The following EVI5 variants were observed in gnomAD, a reference collection of about 807,000 sequenced individuals.
EVI5 encodes the protein ecotropic viral integration site 5 protein homolog.
EVI5 carries 73 observed loss-of-function variants against 112.0 expected under a neutral mutation model. The observed-to-expected ratio is 0.65, with a 90% CI of 0.54 to 0.79. The LOEUF (loss-of-function observed/expected upper bound fraction) is 0.79. Among genes scored for constraint, EVI5 ranks in the 30% least tolerant of loss-of-function variants. The pLI, the probability that EVI5 is intolerant of heterozygous loss-of-function variation, is 0.00. For synonymous variants in EVI5, 305 were observed against 319.9 expected (o/e 0.95, Z 0.50); for missense variants, 900 against 968.8 (o/e 0.93, Z 0.94).
chr1:92,616,555 C>A (rs1267095195), intron 16 of EVI5, among the ~76,000 whole-genome samples: 2 of 151,970 alleles, frequency 1.3e-5, no homozygotes, highest in African/African-American at 4.8e-5. Flanking sequence ...TCTGCTCATT[C>A]CTACTTAATT....
chr1:92,713,441 T>C (rs964793151), intron 2 of EVI5, among the ~76,000 whole-genome samples: 1 of 151,954 alleles, frequency 6.6e-6, no homozygotes, highest in Non-Finnish European at 1.5e-5. Context: ...TCCTGTTGAC[T>C]ATATTTTTAA....
intron 14 of EVI5, 55 bp downstream of exon 14, chr1:92,636,147 A>C: frequency 6.9e-7 from 1 of 1,459,470 alleles, no homozygotes. Context: ...GTACTTAATA[A>C]ATATCACATA....
intron 3 of EVI5, among the ~76,000 whole-genome samples, chr1:92,704,314 A>G (rs563310339): frequency 6.6e-6 from 1 of 152,142 alleles, no homozygotes; most frequent in Non-Finnish European, 1.5e-5. Context: ...TCTTTATAAA[A>G]TAATAATAAG....
intron 18 of EVI5, among the ~76,000 whole-genome samples, chr1:92,591,287 C>T (rs906450108): frequency 6.6e-6 from 1 of 152,140 alleles, no homozygotes; most frequent in African/African-American, 2.4e-5. Flanking sequence ...TGTAAAGGGG[C>T]TAAATGCTCC....
In EVI5 at chr1:92,539,560, A is replaced by C. The variant is rs75798207; in HGVS notation, c.2166+24082T>G. Among the ~76,000 whole-genome samples, 458 of 137,690 alleles carry C rather than the reference A, an allele frequency of 3.3e-3. 31 individuals are homozygous for C. Among genetic ancestry groups the C allele is most frequent in the East Asian group, 0.014 (69 of 4,808 alleles). 90.3% of individuals were successfully genotyped at this position (137,690 alleles called of 152,430 possible). A position where few individuals can be genotyped will look rare whatever the true frequency, so the allele number is the denominator to read the frequency against. On this transcript the variant is annotated intron_variant, in intron 19 of 19. Transcript: ENST00000684568. ...TCCATCTCAAAAAAAAAAAAAAAAAAAAAAAATCTTGAACCCATTCTCCCA... is the reference window on the plus strand; with the variant it reads ...TCCATCTCAAAAAAAAAAAAAAAAACAAAAAATCTTGAACCCATTCTCCCA...
intron 1 of EVI5, 104 bp downstream of exon 1, chr1:92,784,732 C>T (rs1203143267): frequency 4.8e-6 from 4 of 839,790 alleles, no homozygotes; most frequent in Non-Finnish European, 4.3e-6. Context: ...AAACTTGCGG[C>T]GGCCCCCGCC....
At chr1:92,595,152 C>T (rs571916961) in intron 18 of EVI5, among the ~76,000 whole-genome samples, 45 of 152,010 alleles carry the variant, frequency 3.0e-4, no homozygotes, top group African/African-American at 1.1e-3. Flanking sequence ...ATAGCAAAGA[C>T]TTGGAACCAA....
At chr1:92,693,065 G>A (rs1320797388) in intron 9 of EVI5, among the ~76,000 whole-genome samples, 1 of 152,146 alleles carries the variant, frequency 6.6e-6, no homozygotes, top group African/African-American at 2.4e-5. Context: ...CAAAAAATAA[G>A]ATTTGACCAG....
intron 18 of EVI5, among the ~76,000 whole-genome samples, chr1:92,589,648 T>A (rs1673434421): frequency 6.6e-6 from 1 of 152,108 alleles, no homozygotes; most frequent in African/African-American, 2.4e-5. Flanking sequence ...CCACTGCAGC[T>A]CAAGGAGGCC....
At chr1:92,580,082 CG>C (rs1229304760) in intron 18 of EVI5, among the ~76,000 whole-genome samples, 11 of 152,234 alleles carry the variant, frequency 7.2e-5, no homozygotes, top group African/African-American at 2.6e-4. Flanking sequence ...CTATCATTAT[CG>C]CTATACACTT....
chr1:92,608,201 C>A (rs764942179), intron 16 of EVI5, among the ~76,000 whole-genome samples: 1 of 151,686 alleles, frequency 6.6e-6, no homozygotes, highest in Non-Finnish European at 1.5e-5. Flanking sequence ...TCAAGTCATC[C>A]AAAGGAATGC....
intron 18 of EVI5, among the ~76,000 whole-genome samples, chr1:92,573,683 C>T (rs1182710521): frequency 2.0e-5 from 3 of 152,058 alleles, no homozygotes; most frequent in East Asian, 1.9e-4. Context: ...CACATTATTT[C>T]CATGTTAGTT....
Position 92,758,594 on chromosome 1 carries a change from T to G in EVI5, c.-81-21967A>C, listed in dbSNP as rs113577095. Among the ~76,000 whole-genome samples the G allele has an allele frequency of 2.0e-4, 30 of 149,274 alleles. 1 individual carries two copies. The highest frequency in any genetic ancestry group is 7.4e-4 in the African/African-American group (30 of 40,692). On this transcript the variant is annotated intron_variant, in intron 1 of 19. Transcript: ENST00000684568. ...CACAAAAAAAAAAAAAAAATCTGGTTAAGACAACAATCAGGCAGACCACAT... is the reference window on the plus strand; with the variant it reads ...CACAAAAAAAAAAAAAAAATCTGGTGAAGACAACAATCAGGCAGACCACAT...
intron 1 of EVI5, among the ~76,000 whole-genome samples, chr1:92,778,053 C>T (rs761743139): frequency 8.6e-5 from 13 of 152,044 alleles, no homozygotes; most frequent in Non-Finnish European, 1.8e-4. Flanking sequence ...GGACTACAGG[C>T]GCACGCCACC....
rs201652809 is a variant in EVI5 at position 92,694,283 on chromosome 1, T to C, written c.999+16A>G. ...CTGTCTCAAAAAAAAAAAAAGAAAA[T>C]AAATTATGAACTTACCTGTAACATC... is the stretch of plus-strand genomic sequence containing the variant. On this transcript the variant is annotated intron_variant, in intron 8 of 19. Transcript: ENST00000684568. 1,781 of 1,424,266 alleles carry C rather than the reference T, an allele frequency of 1.3e-3. 1 individual carries two copies. The highest frequency in any genetic ancestry group is 1.6e-3 in the Non-Finnish European group (1,635 of 1,033,776). The allele number at this position is 1,424,266 out of a possible 1,614,324, so 88.2% of individuals were successfully genotyped here.
intron 16 of EVI5, among the ~76,000 whole-genome samples, chr1:92,623,878 T>C (rs1030718722): frequency 2.0e-5 from 3 of 152,146 alleles, no homozygotes; most frequent in Non-Finnish European, 4.4e-5. Context: ...GGTTGAGAAA[T>C]TTTGCTCTGC....
chr1:92,626,557 C>T (rs1655704060), intron 14 of EVI5, among the ~76,000 whole-genome samples: 1 of 152,146 alleles, frequency 6.6e-6, no homozygotes, highest in Non-Finnish European at 1.5e-5. Context: ...GAACTGCTGG[C>T]TCAGATGGTA....
chr1:92,708,788 T>G (rs1387976835), intron 2 of EVI5, among the ~76,000 whole-genome samples: 1 of 152,068 alleles, frequency 6.6e-6, no homozygotes, highest in Non-Finnish European at 1.5e-5. Flanking sequence ...GAGAAGGAAT[T>G]ATATTCTGAT....
At position 92,663,445 on chromosome 1, in the gene EVI5, G is replaced by C. The variant is rs1371302746; in HGVS notation, c.1220C>G (p.Ala407Gly). The C allele has an allele frequency of 4.2e-6, 6 of 1,418,572 alleles. No individual in the cohort carries two copies. In the East Asian group the frequency reaches 1.0e-4, roughly 24 times the overall value. 87.9% of individuals were successfully genotyped at this position (1,418,572 alleles called of 1,614,324 possible). ...CTGTATCAATCTATCTGCCAAGGAAGCACTTTCCTACAAAAGGAAAAATTC... is the reference window on the plus strand; with the variant it reads ...CTGTATCAATCTATCTGCCAAGGAACCACTTTCCTACAAAAGGAAAAATTC... ...QRIETLEKES[A>G]SLADRLIQGQ... Residue 407 changes from alanine to glycine, a missense_variant, in exon 12 of 20, where the codon GCT becomes GGT. Transcript: ENST00000684568.
Sources: gnomAD v4.1 joint callset for allele counts (sites outside exome capture counted in the v4.1 genomes callset) on GRCh38, gnomAD v4.1.1 for gene constraint, MANE v1.5 for transcripts, NCBI Gene and HGNC (gene_info 2026-07-23, HGNC 2026-07-21) for gene names.